RAG1: variants seen among roughly 807,000 people sequenced by gnomAD.
RAG1 encodes recombination activating 1.
In RAG1, 35 loss-of-function variants were observed where a neutral mutation model predicts 62.7. The observed-to-expected ratio is 0.56, with a 90% CI of 0.43 to 0.74. The LOEUF (loss-of-function observed/expected upper bound fraction) is 0.74, where lower values mean the gene tolerates loss of function less well. Among genes scored for constraint, RAG1 ranks in the 30% least tolerant of loss-of-function variants. The pLI is 0.00. For synonymous variants in RAG1, 461 were observed against 470.3 expected (o/e 0.98, Z 0.26); for missense variants, 1,169 against 1,278.6 (o/e 0.91, Z 1.31).
chr11:36,566,898 A>C (rs1244790955), upstream of RAG1, among the ~76,000 whole-genome samples: 1 of 152,236 alleles, frequency 6.6e-6, no homozygotes, highest in Non-Finnish European at 1.5e-5. Context: ...AGGGCAGCAC[A>C]GAACAGTGAA....
intron 2 of RAG1, among the ~76,000 whole-genome samples, chr11:36,525,833 T>A (rs1254740018): frequency 6.6e-6 from 1 of 152,158 alleles, no homozygotes; most frequent in Non-Finnish European, 1.5e-5. Flanking sequence ...ATATAGACAA[T>A]CATGTCATCT....
chr11:36,533,994 T>C (rs966966097), intron 2 of RAG1, among the ~76,000 whole-genome samples: 38 of 152,186 alleles, frequency 2.5e-4, no homozygotes, highest in Admixed American at 1.0e-3. Context: ...TTAAATAACC[T>C]AAATCAAATG....
At chr11:36,565,400 G>A (rs973431639), upstream of RAG1, among the ~76,000 whole-genome samples, 2 of 152,176 alleles carry the variant, frequency 1.3e-5, no homozygotes, top group African/African-American at 2.4e-5. Context: ...AGAGGCAGGT[G>A]AAAGCAGGGA....
At chr11:36,512,921 G>A (rs762069815) in intron 1 of RAG1, among the ~76,000 whole-genome samples, 20 of 152,108 alleles carry the variant, frequency 1.3e-4, no homozygotes, top group South Asian at 4.1e-4. Context: ...GTTTCAATGC[G>A]TCCCCTAAAT....
At chr11:36,542,544 C>T (rs938348688) in intron 3 of RAG1, among the ~76,000 whole-genome samples, 1 of 152,162 alleles carries the variant, frequency 6.6e-6, no homozygotes, top group Non-Finnish European at 1.5e-5. Context: ...CAGAAGTAAC[C>T]AGAGCTTGGC....
intron 1 of RAG1, among the ~76,000 whole-genome samples, chr11:36,512,138 C>T (rs1183383199): frequency 2.6e-5 from 4 of 152,178 alleles, no homozygotes; most frequent in Non-Finnish European, 5.9e-5. Flanking sequence ...AGGAAACTTA[C>T]AAATACCATT....
chr11:36,564,080 A>G (rs1035626598), upstream of RAG1, among the ~76,000 whole-genome samples: 4 of 152,348 alleles, frequency 2.6e-5, no homozygotes, highest in African/African-American at 9.6e-5. Flanking sequence ...CCTGATTAGA[A>G]AGGATATTTA....
intron 2 of RAG1, among the ~76,000 whole-genome samples, chr11:36,528,503 G>A (rs891181279): frequency 2.0e-5 from 3 of 152,048 alleles, no homozygotes; most frequent in South Asian, 2.1e-4. Context: ...AGTGTGTAGA[G>A]GGAAATTTGT....
rs150790148 is a variant in RAG1, at chr11:36,574,978, G to C, written c.1674G>C (p.Lys558Asn). ...VDDYPVDTIA[K>N]RFRYDSALVS... The stretch of plus-strand genomic sequence containing the variant: ...ATTACCCAGTGGACACCATTGCAAA[G>C]AGGTTCCGCTATGATTCAGCTTTGG... The change falls in exon 2 of 2, where the codon AAG becomes AAC. Residue 558 changes from lysine to asparagine, a missense_variant. By Grantham distance (94) the Lys-to-Asn change is moderately conservative. This residue lies in a region of RAG1 where 800 missense variants were observed against 943.3 expected (regional missense o/e 0.85). Transcript: ENST00000299440. The C allele has an allele frequency of 2.5e-4, 410 of 1,614,072 alleles. No homozygotes were observed. The highest frequency in any genetic ancestry group is 3.3e-4 in the Non-Finnish European group (390 of 1,180,044).
downstream of RAG1, chr11:36,536,176 A>G (rs1284571010): frequency 1.3e-5 from 2 of 152,230 alleles, no homozygotes; most frequent in African/African-American, 4.8e-5. Flanking sequence ...ATTGTAAACA[A>G]CTTAAAAAAA....
chr11:36,548,140 T>C (rs1850427405), intron 3 of RAG1, among the ~76,000 whole-genome samples: 1 of 152,194 alleles, frequency 6.6e-6, no homozygotes, highest in Admixed American at 6.5e-5. Context: ...TAATAAGAGC[T>C]ATTTATGACA....
intron 2 of RAG1, among the ~76,000 whole-genome samples, chr11:36,528,383 C>T (rs934443817): frequency 6.6e-6 from 1 of 152,162 alleles, no homozygotes; most frequent in Non-Finnish European, 1.5e-5. Context: ...CCACCTGCTC[C>T]TGAATGACTA....
chr11:36,574,099 G>T lies in RAG1; in HGVS notation c.795G>T (p.Lys265Asn). The part of the protein sequence containing the change: ...ARISSKDVMK[K>N]IANCSKIHLS... The stretch of plus-strand genomic sequence containing the variant: ...TCAGCAGCAAGGATGTCATGAAGAA[G>T]ATCGCCAACTGCAGTAAGATACATC... The change falls in exon 2 of 2, where the codon AAG becomes AAT. Residue 265 changes from lysine to asparagine, a missense_variant. Transcript: ENST00000299440. 1 of 1,614,224 alleles carries T rather than the reference G, an allele frequency of 6.2e-7. No homozygotes were observed. Among genetic ancestry groups the T allele is most frequent in the East Asian group, 2.2e-5 (1 of 44,872 alleles).
chr11:36,535,752 TAAATAAATAAATA>T (rs1341461594), intron 2 of RAG1, among the ~76,000 whole-genome samples: 1 of 151,966 alleles, frequency 6.6e-6, no homozygotes, highest in Non-Finnish European at 1.5e-5. Flanking sequence ...CTCAAATAAA[TAAATAAATAAATA>T]AAATAAATAA....
intron 2 of RAG1, among the ~76,000 whole-genome samples, chr11:36,532,769 A>G (rs577284827): frequency 6.6e-6 from 1 of 152,268 alleles, no homozygotes; most frequent in South Asian, 2.1e-4. Context: ...GATCTCAAGA[A>G]GAAAAGTAGG....
exon 1 of RAG1, chr11:36,510,709 A>G (rs1359503801): frequency 6.6e-6 from 1 of 152,192 alleles, no homozygotes; most frequent in Non-Finnish European, 1.5e-5. Flanking sequence ...ACCCTCTATT[A>G]TTACCTGCTC....
At position 36,576,685 on chromosome 11, in the gene RAG1, C is replaced by T. The variant is rs1850858044; in HGVS notation, c.*249C>T. 2 of 531,790 alleles carry T rather than the reference C, an allele frequency of 3.8e-6. No individual in the cohort carries two copies. Among genetic ancestry groups the T allele is most frequent in the Admixed American group, 3.2e-5 (1 of 31,128 alleles). The allele number at this position is 531,790 out of a possible 1,614,324, so 32.9% of individuals were successfully genotyped here. On this transcript the variant is annotated 3_prime_UTR_variant, in exon 2 of 2. Transcript: ENST00000299440. ...TATCTGAAAGCTCAGTAACTCAGAACAGGAGTAACTGCAGGGGACCAGAGA... is the reference window on the plus strand; with the variant it reads ...TATCTGAAAGCTCAGTAACTCAGAATAGGAGTAACTGCAGGGGACCAGAGA...
intron 2 of RAG1, among the ~76,000 whole-genome samples, chr11:36,521,836 G>A (rs1029633723): frequency 8.5e-5 from 13 of 152,228 alleles, no homozygotes; most frequent in Admixed American, 2.6e-4. Context: ...GGGAACTGGA[G>A]AAAAGGTGCC....
chr11:36,543,080 C>G (rs1850333718), intron 3 of RAG1, among the ~76,000 whole-genome samples: 1 of 151,226 alleles, frequency 6.6e-6, no homozygotes, highest in Non-Finnish European at 1.5e-5. Flanking sequence ...CCATCTCCTT[C>G]TTCCTTGGTG....
Sources: allele counts gnomAD v4.1 joint callset (sites outside exome capture counted in the v4.1 genomes callset), GRCh38; gene constraint gnomAD v4.1.1; regional missense constraint gnomAD v4.1.1; transcripts MANE v1.5; gene names NCBI Gene and HGNC (gene_info 2026-07-23, HGNC 2026-07-21).